Variants in TIAM1 observed in about 807,000 individuals in gnomAD.
TIAM1 encodes the protein TIAM Rac1 associated GEF 1.
In TIAM1, 65 loss-of-function variants were observed where a neutral mutation model predicts 163.5. The ratio of observed to expected loss-of-function variants is 0.40; its 90% CI spans 0.33 to 0.49. The LOEUF (loss-of-function observed/expected upper bound fraction) is 0.49, where lower values mean the gene tolerates loss of function less well. TIAM1 is among the 20% of genes least tolerant of loss of function. TIAM1 has a pLI of 0.77. For missense variants in TIAM1, 1,789 were observed against 2,044.7 expected (o/e 0.87, Z 2.41); for synonymous variants, 833 against 810.1 (o/e 1.03, Z -0.48).
At chr21:31,476,671 C>G (rs187485843) in intron 1 of TIAM1, among the ~76,000 whole-genome samples, 1 of 152,264 alleles carries the variant, frequency 6.6e-6, no homozygotes, top group East Asian at 1.9e-4. Flanking sequence ...TCGATCCATG[C>G]ACGGAGGGAC....
intron 14 of TIAM1, among the ~76,000 whole-genome samples, chr21:31,184,079 C>A (rs1398776115): frequency 6.6e-6 from 1 of 152,164 alleles, no homozygotes; most frequent in Non-Finnish European, 1.5e-5. Flanking sequence ...GGACTACAGT[C>A]ATGTGCTACC....
At chr21:31,371,335 G>A (rs2076593337) in intron 2 of TIAM1, among the ~76,000 whole-genome samples, 1 of 152,136 alleles carries the variant, frequency 6.6e-6, no homozygotes, top group Admixed American at 6.5e-5. Context: ...GGCAGGAAGG[G>A]GGCTAAGAGC....
chr21:31,398,758 G>A (rs1055489806), intron 2 of TIAM1, among the ~76,000 whole-genome samples: 1 of 152,270 alleles, frequency 6.6e-6, no homozygotes, highest in South Asian at 2.1e-4. Flanking sequence ...CAGATATGGA[G>A]AACGATTTAG....
intron 2 of TIAM1, among the ~76,000 whole-genome samples, chr21:31,327,511 A>G (rs773260744): frequency 2.6e-5 from 4 of 151,892 alleles, no homozygotes; most frequent in Non-Finnish European, 5.9e-5. Flanking sequence ...GTGGTGATGC[A>G]CACCTGTGAT....
rs1331259653 is a variant in TIAM1 at position 31,153,151 on chromosome 21, G to C, written c.3172-17C>G. The C allele has an allele frequency of 6.3e-7, 1 of 1,591,606 alleles. No individual in the cohort carries two copies. Among genetic ancestry groups the C allele is most frequent in the South Asian group, 1.1e-5 (1 of 87,906 alleles). ...GTTTAAATCCTAAGAATTGAAAAGA[G>C]AACTCATTAGCTTATGTGTTTTATT... On this transcript the variant is annotated splice_polypyrimidine_tract_variant and intron_variant, in intron 17 of 27. Transcript: ENST00000541036.
chr21:31,177,476 G>A (rs58590646), intron 15 of TIAM1, among the ~76,000 whole-genome samples: 5,961 of 152,194 alleles, frequency 0.039, 404 homozygotes, highest in African/African-American at 0.14. Flanking sequence ...GCGTGGTGGC[G>A]GATGCCTGTA....
chr21:31,421,795 G>A (rs1026835271), intron 2 of TIAM1, among the ~76,000 whole-genome samples: 1 of 152,062 alleles, frequency 6.6e-6, no homozygotes, highest in Non-Finnish European at 1.5e-5. Context: ...TTTAAGACTA[G>A]CCTGAGCAAC....
chr21:31,448,826 CAG>C (rs1268719584), intron 2 of TIAM1, among the ~76,000 whole-genome samples: 1 of 152,100 alleles, frequency 6.6e-6, no homozygotes, highest in Non-Finnish European at 1.5e-5. Context: ...GGTTTCGGGT[CAG>C]AAAGTCCAGC....
At position 31,180,008 on chromosome 21, in the gene TIAM1, C is replaced by T. The variant is rs150230496; in HGVS notation, c.2887+2413G>A. Among the ~76,000 whole-genome samples, 132 of 149,896 alleles carry T rather than the reference C, an allele frequency of 8.8e-4. No homozygotes were observed. In the East Asian group the frequency reaches 0.023, roughly 26 times the overall value. On this transcript the variant is annotated intron_variant, in intron 15 of 27. Transcript: ENST00000541036. Reference sequence around the variant, plus strand: ...GCAACCTCTGCCTCCCGGGTTCAAGCGATTCTTTTGCCTCAGCCTCCCGAG... The same window carrying T: ...GCAACCTCTGCCTCCCGGGTTCAAGTGATTCTTTTGCCTCAGCCTCCCGAG...
chr21:31,449,527 C>A (rs138131794), intron 2 of TIAM1, among the ~76,000 whole-genome samples: 9 of 151,810 alleles, frequency 5.9e-5, no homozygotes, highest in Admixed American at 2.6e-4. Context: ...TACAGTCATG[C>A]GCCACCACAC....
chr21:31,126,379 T>C (rs1236009356), intron 26 of TIAM1, among the ~76,000 whole-genome samples: 1 of 151,976 alleles, frequency 6.6e-6, no homozygotes, highest in African/African-American at 2.4e-5. Flanking sequence ...CCATCCTGGC[T>C]AACATGGTGA....
intron 2 of TIAM1, among the ~76,000 whole-genome samples, chr21:31,403,516 T>C (rs2077200423): frequency 6.6e-6 from 1 of 152,178 alleles, no homozygotes; most frequent in Non-Finnish European, 1.5e-5. Flanking sequence ...GCTGCTTTTT[T>C]TGAAGAAAAT....
In TIAM1 at chr21:31,439,149, C is replaced by G. The variant is rs569817448; in HGVS notation, c.-369+24834G>C. Among the ~76,000 whole-genome samples the G allele has an allele frequency of 5.3e-5, 8 of 152,294 alleles. No individual in the cohort carries two copies. In the South Asian group the frequency reaches 1.7e-3, roughly 32 times the overall value. ...GCAGCCTGCCATCCCCACCACCTCA[C>G]CAGAGGCAGCTGAACAGGAACAGGG... On this transcript the variant is annotated intron_variant, in intron 2 of 28. Coordinates refer to the TIAM1 transcript ENST00000286827.
intron 15 of TIAM1, among the ~76,000 whole-genome samples, chr21:31,172,478 C>T (rs1022370883): frequency 6.6e-6 from 1 of 152,132 alleles, no homozygotes; most frequent in Non-Finnish European, 1.5e-5. Context: ...AAACAAAGCA[C>T]GACAGCTCTG....
rs554581604 is a variant in TIAM1 at position 31,517,610 on chromosome 21, G to A, written c.-422+41317C>T. 3.7e-4 allele frequency among the ~76,000 whole-genome samples: 57 copies of A among 152,234 alleles called. 1 individual carries two copies. The highest frequency in any genetic ancestry group is 2.7e-3 in the South Asian group (13 of 4,818). ...TGGAGCAATACAGTCACAGGCCAAG[G>A]AATGCCGGTACCATGGTAGAATATG... On this transcript the variant is annotated intron_variant, in intron 1 of 28. Coordinates refer to the TIAM1 transcript ENST00000286827.
chr21:31,247,764 C>T (rs541500695), intron 5 of TIAM1, among the ~76,000 whole-genome samples: 15 of 152,114 alleles, frequency 9.9e-5, no homozygotes, highest in African/African-American at 3.4e-4. Flanking sequence ...GAGTAGTCTG[C>T]CCCAACTCTA....
At chr21:31,318,910 C>T (rs1404342396) in intron 2 of TIAM1, among the ~76,000 whole-genome samples, 3 of 152,150 alleles carry the variant, frequency 2.0e-5, no homozygotes, top group African/African-American at 7.2e-5. Context: ...GTCCCTCAGG[C>T]TGGAGTGCAG....
At chr21:31,313,500 G>T (rs1290003295) in intron 2 of TIAM1, among the ~76,000 whole-genome samples, 2 of 152,176 alleles carry the variant, frequency 1.3e-5, no homozygotes, top group Non-Finnish European at 2.9e-5. Context: ...ATAGAGAAAA[G>T]AAAGATTGTT....
intron 13 of TIAM1, among the ~76,000 whole-genome samples, chr21:31,192,610 TA>T (rs60192983): frequency 0.041 from 5,967 of 144,828 alleles, 412 homozygotes; most frequent in African/African-American, 0.14. Context: ...AACTGTGTCT[TA>T]AAAAAAAAAA....
Sources: gnomAD v4.1 joint callset for allele counts (sites outside exome capture counted in the v4.1 genomes callset) on GRCh38, gnomAD v4.1.1 for gene constraint, MANE v1.5 for transcripts, NCBI Gene and HGNC (gene_info 2026-07-23, HGNC 2026-07-21) for gene names.